GXYLT1: variants seen among roughly 807,000 people sequenced by gnomAD.
The protein encoded by GXYLT1 is glycosyltransferase 8 domain containing 3.
GXYLT1 carries 29 observed loss-of-function variants against 54.0 expected under a neutral mutation model. That is an observed-to-expected ratio of 0.54 (90% CI 0.40 to 0.73). GXYLT1 has a LOEUF of 0.73. GXYLT1 is among the 30% of genes least tolerant of loss of function. The pLI, the probability that GXYLT1 is intolerant of heterozygous loss-of-function variation, is 0.00. For synonymous variants in GXYLT1, 176 were observed against 204.1 expected (o/e 0.86, Z 1.17); for missense variants, 490 against 553.4 (o/e 0.89, Z 1.15).
chr12:42,087,960 A>C lies in GXYLT1; in HGVS notation c.1162-13T>G. ...CTTCAAAAGAACACTAGAGAAAGAA[A>C]ATTTTAAAAAATAAAAAATTTAAAA... On this transcript the variant is annotated splice_polypyrimidine_tract_variant and intron_variant, in intron 7 of 7. Coordinates refer to ENST00000398675, the MANE Select transcript of GXYLT1 (RefSeq NM_173601.2). 1.4e-6 allele frequency: 2 copies of C among 1,411,248 alleles called. No individual in the cohort carries two copies. Among genetic ancestry groups the C allele is most frequent in the Non-Finnish European group, 1.9e-6 (2 of 1,044,118 alleles). The allele number at this position is 1,411,248 out of a possible 1,614,324, so 87.4% of individuals were successfully genotyped here. A position where few individuals can be genotyped will look rare whatever the true frequency, so the allele number is the denominator to read the frequency against.
chr12:42,144,358 G>T, intron 1 of GXYLT1, 68 bp downstream of exon 1: 1 of 1,077,786 alleles, frequency 9.3e-7, no homozygotes, highest in Non-Finnish European at 1.2e-6. Context: ...CGAGCAGCCC[G>T]GGCTAGGCCG....
intron 7 of GXYLT1, among the ~76,000 whole-genome samples, chr12:42,089,637 C>T (rs773048306): frequency 6.6e-6 from 1 of 152,156 alleles, no homozygotes; most frequent in Non-Finnish European, 1.5e-5. Flanking sequence ...AGGATTCCGT[C>T]CCAACAGTCT....
chr12:42,114,438 T>C (rs1323457764), intron 3 of GXYLT1, among the ~76,000 whole-genome samples: 1 of 151,988 alleles, frequency 6.6e-6, no homozygotes, highest in Admixed American at 6.6e-5. Flanking sequence ...TAAAACATGA[T>C]AAAGGGGATA....
chr12:42,092,372 TC>T (rs2065333863), intron 7 of GXYLT1, among the ~76,000 whole-genome samples: 1 of 152,214 alleles, frequency 6.6e-6, no homozygotes, highest in East Asian at 1.9e-4. Flanking sequence ...TAATACTTCT[TC>T]CTTAGTAGCA....
chr12:42,131,044 A>G (rs2065591419), intron 1 of GXYLT1, among the ~76,000 whole-genome samples: 1 of 152,202 alleles, frequency 6.6e-6, no homozygotes, highest in Admixed American at 6.5e-5. Context: ...CATTATCTAC[A>G]TAATCTCAGT....
intron 7 of GXYLT1, among the ~76,000 whole-genome samples, chr12:42,088,262 T>C (rs1267047097): frequency 6.6e-6 from 1 of 151,462 alleles, no homozygotes; most frequent in Non-Finnish European, 1.5e-5. Context: ...AAAGGTGGAC[T>C]GGCTAAAAGA....
chr12:42,124,558 AC>A (rs1184990573), intron 2 of GXYLT1, among the ~76,000 whole-genome samples: 9 of 152,234 alleles, frequency 5.9e-5, no homozygotes, highest in Non-Finnish European at 1.0e-4. Flanking sequence ...CAAATAATCA[AC>A]AAAAAGCTAT....
chr12:42,111,168 T>C (rs921901105), intron 3 of GXYLT1, among the ~76,000 whole-genome samples: 4 of 152,222 alleles, frequency 2.6e-5, no homozygotes. Flanking sequence ...GATGGCCGAA[T>C]AGGAACAGCT....
intron 3 of GXYLT1, among the ~76,000 whole-genome samples, chr12:42,113,104 C>T (rs1300789540): frequency 6.6e-6 from 1 of 150,998 alleles, no homozygotes; most frequent in East Asian, 1.9e-4. Flanking sequence ...CACCACCAGG[C>T]CTGCCCTAAA....
chr12:42,117,074 A>G (rs1218575068), intron 3 of GXYLT1, among the ~76,000 whole-genome samples: 1 of 146,876 alleles, frequency 6.8e-6, no homozygotes, highest in Non-Finnish European at 1.5e-5. Context: ...TGGGAATTGA[A>G]CAATGAGAAC....
At chr12:42,118,744 CTTCT>C (rs1265855572) in intron 3 of GXYLT1, among the ~76,000 whole-genome samples, 1 of 152,130 alleles carries the variant, frequency 6.6e-6, no homozygotes, top group East Asian at 1.9e-4. Flanking sequence ...AAAGTGTGGT[CTTCT>C]TTCTCTTTCT....
At chr12:42,130,589 T>C (rs1001922596) in intron 1 of GXYLT1, among the ~76,000 whole-genome samples, 4 of 151,428 alleles carry the variant, frequency 2.6e-5, no homozygotes, top group African/African-American at 4.9e-5. Context: ...AAACTGAAAA[T>C]AGAACTACCA....
In GXYLT1 at chr12:42,144,529, TC is replaced by T; in HGVS notation, c.117del (p.Lys40SerfsTer18). On this transcript the variant is annotated frameshift_variant, in exon 1 of 8. Coordinates refer to ENST00000398675, the MANE Select transcript of GXYLT1 (RefSeq NM_173601.2). LOFTEE classifies it high-confidence loss of function. ...CAGGAAGCCACCGCGGCCTGCGGCT[TC>T]CCGCCACCGCCGCCCGTTCCTTCTT... ...SLEEGTGGGG[G>X]KPQAAVASWL... The T allele has an allele frequency of 7.0e-7, 1 of 1,424,752 alleles. No homozygotes were observed. 88.3% of individuals were successfully genotyped at this position (1,424,752 alleles called of 1,614,324 possible). A position where few individuals can be genotyped will look rare whatever the true frequency, so the allele number is the denominator to read the frequency against.
intron 1 of GXYLT1, among the ~76,000 whole-genome samples, 170 bp from the exon 2 acceptor site, chr12:42,130,021 G>A (rs1476694961): frequency 1.3e-5 from 2 of 152,118 alleles, no homozygotes; most frequent in African/African-American, 4.8e-5. Flanking sequence ...CCCTTACTTA[G>A]GGCACCATTA....
chr12:42,093,192 G>A (rs929808467), intron 7 of GXYLT1, among the ~76,000 whole-genome samples: 4 of 152,182 alleles, frequency 2.6e-5, no homozygotes. Context: ...CCACATCCCA[G>A]GTTCAAGCGA....
At chr12:42,110,259 T>C (rs1669000498) in intron 3 of GXYLT1, among the ~76,000 whole-genome samples, 1 of 152,220 alleles carries the variant, frequency 6.6e-6, no homozygotes, top group Non-Finnish European at 1.5e-5. Flanking sequence ...TGAACATGTT[T>C]ACACTTAGTA....
At position 42,087,224 on chromosome 12, in the gene GXYLT1, A is replaced by T. The variant is rs2065299022; in HGVS notation, c.*562T>A. On this transcript the variant is annotated 3_prime_UTR_variant, in exon 8 of 8. Transcript: ENST00000398675. ...CATGCAGCTTACTTGTAATCTAAAA[A>T]TAATTTTAAACATGATTGTCATAAA... The T allele has an allele frequency of 6.6e-6, 1 of 152,490 alleles. No individual in the cohort carries two copies. Among genetic ancestry groups the T allele is most frequent in the Admixed American group, 6.5e-5 (1 of 15,276 alleles). 9.4% of individuals were successfully genotyped at this position (152,490 alleles called of 1,614,324 possible). A position where few individuals can be genotyped will look rare whatever the true frequency, so the allele number is the denominator to read the frequency against.
At position 42,097,486 on chromosome 12, in the gene GXYLT1, C is replaced by T. The variant is rs1183270379; in HGVS notation, c.1117G>A (p.Asp373Asn). 2.5e-6 allele frequency: 4 copies of T among 1,601,514 alleles called. No individual in the cohort carries two copies. Among genetic ancestry groups the T allele is most frequent in the Non-Finnish European group, 3.4e-6 (4 of 1,177,034 alleles). The change falls in exon 7 of 8, where the codon GAT becomes AAT. Residue 373 changes from aspartate (D) to asparagine (N), a missense_variant. Asp to Asn is a conservative substitution (Grantham distance 23, BLOSUM62 1). Around this residue, in one of 2 missense-constraint regions of GXYLT1, gnomAD observed 342 missense variants for 342.6 expected, o/e 1.00. Transcript: ENST00000398675. ...LHGNRGVYHD[D>N]KQPAFRAVYE... Reference sequence around the variant, plus strand: ...ACAGCTCTAAATGCTGGTTGCTTATCGTCATGGTAAACACCTCTGTTCCCA... The same window carrying T: ...ACAGCTCTAAATGCTGGTTGCTTATTGTCATGGTAAACACCTCTGTTCCCA...
intron 2 of GXYLT1, among the ~76,000 whole-genome samples, chr12:42,121,692 G>T (rs1161194453): frequency 6.6e-6 from 1 of 151,692 alleles, no homozygotes; most frequent in Non-Finnish European, 1.5e-5. Flanking sequence ...TCAGTCTCAG[G>T]AACTCCTCCC....
Sources: allele counts gnomAD v4.1 joint callset (sites outside exome capture counted in the v4.1 genomes callset), GRCh38; gene constraint gnomAD v4.1.1; regional missense constraint gnomAD v4.1.1; transcripts MANE v1.5; gene names NCBI Gene and HGNC (gene_info 2026-07-23, HGNC 2026-07-21).